SGCD: variants seen among roughly 807,000 people sequenced by gnomAD.
SGCD encodes sarcoglycan delta.
SGCD carries 18 observed loss-of-function variants against 36.6 expected under a neutral mutation model. The observed-to-expected ratio is 0.49, with a 90% CI of 0.34 to 0.73. SGCD has a LOEUF of 0.73. SGCD is among the 30% of genes least tolerant of loss of function. SGCD has a pLI of 0.01. For missense variants in SGCD, 387 were observed against 346.7 expected, an observed-to-expected ratio of 1.12 and a Z score of -0.92; for synonymous variants, 133 against 130.6, an observed-to-expected ratio of 1.02 and a Z score of -0.12.
intron 3 of SGCD, among the ~76,000 whole-genome samples, chr5:156,151,709 G>A (rs1362195313): frequency 1.3e-5 from 2 of 151,512 alleles, no homozygotes; most frequent in East Asian, 3.8e-4. Flanking sequence ...TAACAAAACT[G>A]GAAGCCAATG....
the SGCD span, among the ~76,000 whole-genome samples, chr5:155,853,074 T>C: frequency 6.6e-6 from 1 of 152,140 alleles, no homozygotes; most frequent in South Asian, 2.1e-4. Context: ...AGTTATAATA[T>C]AATGGATAGA....
At chr5:156,614,824 T>TA (rs1761961536) in intron 6 of SGCD, among the ~76,000 whole-genome samples, 1 of 152,208 alleles carries the variant, frequency 6.6e-6, no homozygotes, top group South Asian at 2.1e-4. Flanking sequence ...GCTGCTAAAC[T>TA]AATGTCTCCT....
At chr5:156,043,741 G>GA (rs1335650051) in intron 1 of SGCD, among the ~76,000 whole-genome samples, 1 of 151,874 alleles carries the variant, frequency 6.6e-6, no homozygotes, top group African/African-American at 2.4e-5. Context: ...AAAACCAGTT[G>GA]AAAAAATAGA....
At chr5:156,242,706 C>G (rs993228703) in intron 3 of SGCD, among the ~76,000 whole-genome samples, 1 of 152,148 alleles carries the variant, frequency 6.6e-6, no homozygotes, top group Non-Finnish European at 1.5e-5. Flanking sequence ...TAACCAACAT[C>G]AAGAGGGCAC....
At chr5:156,049,977 G>T (rs1759875123) in intron 1 of SGCD, among the ~76,000 whole-genome samples, 1 of 146,764 alleles carries the variant, frequency 6.8e-6, no homozygotes, top group South Asian at 2.1e-4. Context: ...CAAAGAAAGT[G>T]ATTTCTTCAG....
chr5:156,072,074 C>T (rs1372272417), intron 1 of SGCD, among the ~76,000 whole-genome samples: 2 of 152,172 alleles, frequency 1.3e-5, no homozygotes, highest in Admixed American at 6.5e-5. Flanking sequence ...TGGGTCTTGA[C>T]TCTTTATCCA....
chr5:156,411,328 CTG>C (rs1253169190), intron 3 of SGCD, among the ~76,000 whole-genome samples: 1 of 152,158 alleles, frequency 6.6e-6, no homozygotes, highest in East Asian at 1.9e-4. Context: ...TCCTTGTAAA[CTG>C]TAGCAGCAGA....
At chr5:155,816,261 C>T in the SGCD span, among the ~76,000 whole-genome samples, 1 of 152,044 alleles carries the variant, frequency 6.6e-6, no homozygotes, top group Non-Finnish European at 1.5e-5. Flanking sequence ...CTTTTGACTC[C>T]CCCAAAACTT....
In SGCD at chr5:156,013,442, C is replaced by T. The variant is rs990876259; in HGVS notation, c.-281-104436C>T. ...CATCTTGTTAAATTTTACACAAGAG[C>T]GTTTGTGCTGGCTTATCCTTGCCTT... is the stretch of plus-strand genomic sequence containing the variant. On this transcript the variant is annotated intron_variant, in intron 1 of 9. Transcript: ENST00000517913. Among the ~76,000 whole-genome samples, 11 of 152,250 alleles carry T rather than the reference C, an allele frequency of 7.2e-5. No homozygotes were observed. The East Asian group carries it at 1.9e-3, about 27-fold the overall frequency.
At chr5:156,706,981 A>G (rs1754769493) in intron 7 of SGCD, among the ~76,000 whole-genome samples, 1 of 152,198 alleles carries the variant, frequency 6.6e-6, no homozygotes, top group South Asian at 2.1e-4. Context: ...TTTGCATAGA[A>G]TATAGTATTT....
chr5:155,923,594 A>G (rs1379817654), intron 1 of SGCD, among the ~76,000 whole-genome samples: 1 of 152,206 alleles, frequency 6.6e-6, no homozygotes, highest in African/African-American at 2.4e-5. Flanking sequence ...CACCTAATCA[A>G]TATGTTAATG....
At chr5:155,980,967 G>A (rs1253816110) in intron 1 of SGCD, among the ~76,000 whole-genome samples, 1 of 152,164 alleles carries the variant, frequency 6.6e-6, no homozygotes, top group Non-Finnish European at 1.5e-5. Flanking sequence ...AAAATCCAAA[G>A]GGGCAGTGTA....
chr5:156,547,441 C>CTTTTTTTTTTTTTTTTTTTTT (rs398065337), intron 4 of SGCD, among the ~76,000 whole-genome samples: 1 of 145,186 alleles, frequency 6.9e-6, no homozygotes, highest in Non-Finnish European at 1.5e-5. Context: ...GATAATATGA[C>CTTTTTTTTTTTTTTTTTTTTT]TTTTTTTTTT....
At chr5:155,834,540 TTAA>T in the SGCD span, among the ~76,000 whole-genome samples, 3 of 152,220 alleles carry the variant, frequency 2.0e-5, no homozygotes, top group Non-Finnish European at 2.9e-5. Flanking sequence ...TTACTTATAA[TTAA>T]TAATATGTTT....
chr5:156,205,636 C>G (rs545616121), intron 3 of SGCD, among the ~76,000 whole-genome samples: 1 of 152,026 alleles, frequency 6.6e-6, no homozygotes, highest in Admixed American at 6.6e-5. Context: ...TAGACTATAT[C>G]TTCTGAAAGT....
At chr5:156,117,699 A>G (rs969415378) in intron 1 of SGCD, among the ~76,000 whole-genome samples, 3 of 152,158 alleles carry the variant, frequency 2.0e-5, no homozygotes, top group African/African-American at 7.2e-5. Flanking sequence ...AGGTTAAATA[A>G]CATGCCCAAG....
the SGCD span, among the ~76,000 whole-genome samples, chr5:155,742,242 C>A: frequency 1.4e-4 from 21 of 152,274 alleles, no homozygotes; most frequent in African/African-American, 5.1e-4. Context: ...AAGAGAAGGT[C>A]TATAGTTACT....
intron 3 of SGCD, among the ~76,000 whole-genome samples, chr5:156,173,601 A>G (rs78651833): frequency 6.6e-6 from 1 of 152,166 alleles, no homozygotes; most frequent in African/African-American, 2.4e-5. Context: ...TACATAAGTT[A>G]TCATTTTTAC....
chr5:155,800,474 G>A, the SGCD span, among the ~76,000 whole-genome samples: 1 of 152,162 alleles, frequency 6.6e-6, no homozygotes, highest in African/African-American at 2.4e-5. Context: ...GACCTTTTCT[G>A]TATTCGCTTG....
Sources: allele counts gnomAD v4.1 joint callset (sites outside exome capture counted in the v4.1 genomes callset), GRCh38; gene constraint gnomAD v4.1.1; transcripts MANE v1.5; gene names NCBI Gene and HGNC (gene_info 2026-07-23, HGNC 2026-07-21).